Variants in HRH2 observed in about 807,000 individuals in gnomAD.
HRH2 encodes the protein histamine H2 receptor.
In HRH2, 4 loss-of-function variants were observed where a neutral mutation model predicts 20.1. That is an observed-to-expected ratio of 0.20 (90% confidence interval 0.10 to 0.45). The LOEUF (loss-of-function observed/expected upper bound fraction) is 0.45. Among genes scored for constraint, HRH2 ranks in the 20% least tolerant of loss-of-function variants. The pLI is 0.99. For synonymous variants in HRH2, 197 were observed against 200.7 expected (o/e 0.98, Z 0.16); for missense variants, 250 against 461.6 (o/e 0.54, Z 4.20).
At chr5:175,666,227 G>A (rs563819742) in intron 1 of HRH2, among the ~76,000 whole-genome samples, 60 of 152,240 alleles carry the variant, frequency 3.9e-4, no homozygotes, top group African/African-American at 1.4e-3. Context: ...GGAGTTTCTT[G>A]CCCTGCAGTC....
rs746613077 is a variant in HRH2 at position 175,681,907 on chromosome 5, T to C, written c.-525-802T>C. On this transcript the variant is annotated intron_variant, in intron 1 of 2. Transcript: ENST00000636584. The surrounding 1 kb of genome is among the most constrained non-coding windows in gnomAD (Gnocchi z 4.3). ...GCGTTCGGAGCAGGGGTGGCGTGGA[T>C]GACAGGTGACGAACTGCCGATTAAA... is the stretch of plus-strand genomic sequence containing the variant. Among the ~76,000 whole-genome samples, 1 of 152,224 alleles carries C rather than the reference T, an allele frequency of 6.6e-6. No individual in the cohort carries two copies. The highest frequency in any genetic ancestry group is 1.5e-5 in the Non-Finnish European group (1 of 68,044).
intron 1 of HRH2, among the ~76,000 whole-genome samples, chr5:175,673,245 G>A (rs139521234): frequency 1.4e-4 from 21 of 152,258 alleles, no homozygotes; most frequent in Non-Finnish European, 2.5e-4. Flanking sequence ...GTGTGTGTGC[G>A]TGTGTGTATG....
At chr5:175,678,217 T>C (rs550090048) in intron 1 of HRH2, among the ~76,000 whole-genome samples, 1 of 152,318 alleles carries the variant, frequency 6.6e-6, no homozygotes, top group South Asian at 2.1e-4. Context: ...CTGTGCCCAC[T>C]GCTGTAGCCC....
chr5:175,683,470 G>C lies in HRH2; in HGVS notation c.237G>C (p.Gln79His). 1 of 1,614,140 alleles carries C rather than the reference G, an allele frequency of 6.2e-7. No homozygotes were observed. The highest frequency in any genetic ancestry group is 8.5e-7 in the Non-Finnish European group (1 of 1,180,020). The change falls in exon 2 of 3, where the codon CAG (glutamine) becomes CAC (histidine). Residue 79 changes from glutamine (Q) to histidine (H), a missense_variant. Physicochemically the swap from Gln to His is conservative, Grantham distance 24. Around this residue, in one of 5 missense-constraint regions of HRH2, gnomAD observed 86 missense variants for 176.4 expected, o/e 0.49. Transcript: ENST00000636584. ...TGCTGCCCTTCTCTGCCATCTACCA[G>C]CTGTCCTGCAAGTGGAGCTTTGGCA... ...LLVLPFSAIY[Q>H]LSCKWSFGKV...
chr5:175,689,079 A>G lies in HRH2; in HGVS notation c.1076+4770A>G, dbSNP rs190670217. On this transcript the variant is annotated intron_variant, in intron 2 of 2. Coordinates refer to ENST00000636584, the MANE Select transcript of HRH2 (RefSeq NM_001367711.1). ...CCTTCCAGCTCTTCTTCTGTCCCTCAATCAGCCCAGCATCCCAACTGGCCC... is the reference window on the plus strand; with the variant it reads ...CCTTCCAGCTCTTCTTCTGTCCCTCGATCAGCCCAGCATCCCAACTGGCCC... 1.9e-3 allele frequency among the ~76,000 whole-genome samples: 286 copies of G among 152,162 alleles called. 1 individual carries two copies. Among genetic ancestry groups the G allele is most frequent in the African/African-American group, 6.5e-3 (268 of 41,496 alleles).
At chr5:175,668,645 T>C (rs1755403007) in intron 1 of HRH2, among the ~76,000 whole-genome samples, 1 of 152,058 alleles carries the variant, frequency 6.6e-6, no homozygotes, top group Admixed American at 6.5e-5. Context: ...TCCTGGAGAC[T>C]GAGATGAGAG....
At chr5:175,680,725 G>A (rs780146433) in intron 1 of HRH2, among the ~76,000 whole-genome samples, 2 of 152,152 alleles carry the variant, frequency 1.3e-5, no homozygotes, top group East Asian at 1.9e-4. Context: ...GAGAGAGAGC[G>A]CCGTACAAAA....
At position 175,677,317 on chromosome 5, in the gene HRH2, T is replaced by G. The variant is rs1755793855; in HGVS notation, c.-525-5392T>G. 6.6e-6 allele frequency among the ~76,000 whole-genome samples: 1 copy of G among 152,262 alleles called. No individual in the cohort carries two copies. Among genetic ancestry groups the G allele is most frequent in the Admixed American group, 6.5e-5 (1 of 15,288 alleles). ...TTTTCTTTATGCAGTCATTCACTGA[T>G]GGACATGTAGGTTGATTCCATATCT... On this transcript the variant is annotated intron_variant, in intron 1 of 2. Transcript: ENST00000636584. This position sits in a 1 kb window ranked among gnomAD's most constrained non-coding sequence, Gnocchi z 4.2.
chr5:175,663,636 G>A (rs1468812629), intron 1 of HRH2, among the ~76,000 whole-genome samples: 4 of 152,174 alleles, frequency 2.6e-5, no homozygotes, highest in South Asian at 2.1e-4. Context: ...GGGCCAGCTC[G>A]TTCCCCACCG....
chr5:175,669,306 A>C (rs185104873), intron 1 of HRH2, among the ~76,000 whole-genome samples: 1 of 151,976 alleles, frequency 6.6e-6, no homozygotes, highest in Non-Finnish European at 1.5e-5. Flanking sequence ...GTTCATGTGA[A>C]TATTTTAAAG....
At chr5:175,698,425 G>C (rs915492349) in intron 2 of HRH2, among the ~76,000 whole-genome samples, 1 of 152,120 alleles carries the variant, frequency 6.6e-6, no homozygotes, top group African/African-American at 2.4e-5. Flanking sequence ...TCTTACCTGC[G>C]TGGAGCCTCA....
rs1365301150 is a variant in HRH2 at position 175,683,302 on chromosome 5, G to A, written c.69G>A (p.Val23=). The change falls in exon 2 of 3, where the codon GTG becomes GTA. Residue 23 remains valine, a synonymous_variant. Coordinates refer to ENST00000636584, the MANE Select transcript of HRH2 (RefSeq NM_001367711.1). ...CCGCATGCAAGATCACCATCACCGTGGTCCTTGCGGTCCTCATCCTCATCA... is the reference window on the plus strand; with the variant it reads ...CCGCATGCAAGATCACCATCACCGTAGTCCTTGCGGTCCTCATCCTCATCA... ...DSTACKITIT[V]VLAVLILITV... The A allele has an allele frequency of 1.2e-6, 2 of 1,614,122 alleles. No individual in the cohort carries two copies. The highest frequency in any genetic ancestry group is 1.7e-6 in the Non-Finnish European group (2 of 1,180,016).
chr5:175,707,322 C>T (rs1296930559), intron 2 of HRH2, among the ~76,000 whole-genome samples: 2 of 152,092 alleles, frequency 1.3e-5, no homozygotes, highest in African/African-American at 2.4e-5. Flanking sequence ...GTCAGCTACT[C>T]GGGAGGCTGA....
chr5:175,679,581 G>A (rs150477341), intron 1 of HRH2, among the ~76,000 whole-genome samples: 2 of 152,338 alleles, frequency 1.3e-5, no homozygotes, highest in East Asian at 1.9e-4. Context: ...AGCAGGTGCT[G>A]TACAATCTAA....
In HRH2 at chr5:175,663,074, G is replaced by C. The variant is rs529649212; in HGVS notation, c.-526+4919G>C. Among the ~76,000 whole-genome samples, 10 of 152,236 alleles carry C rather than the reference G, an allele frequency of 6.6e-5. No homozygotes were observed. In the South Asian group the frequency reaches 2.1e-3, roughly 32 times the overall value. On this transcript the variant is annotated intron_variant, in intron 1 of 2. Transcript: ENST00000636584. ...ATTTTCTTCATTCATCAGTTGATGG[G>C]CATTTGGGTTGTTTCTGCTTTGGGG...
intron 1 of HRH2, among the ~76,000 whole-genome samples, chr5:175,660,137 C>T (rs1347811587): frequency 6.6e-6 from 1 of 152,154 alleles, no homozygotes; most frequent in East Asian, 1.9e-4. Context: ...CTGCCAACAC[C>T]CCAAAGTAAG....
In HRH2 at chr5:175,663,505, G is replaced by A. The variant is rs760850858; in HGVS notation, c.-526+5350G>A. Among the ~76,000 whole-genome samples the A allele has an allele frequency of 8.2e-4, 125 of 152,266 alleles. 2 individuals carry two copies. The highest frequency in any genetic ancestry group is 2.8e-4 in the Non-Finnish European group (19 of 68,026). On this transcript the variant is annotated intron_variant, in intron 1 of 2. Coordinates refer to ENST00000636584, the MANE Select transcript of HRH2 (RefSeq NM_001367711.1). ...AGAGTCACCTTTTAAACTTCAATGC[G>A]TCACTCCCTTACTTGGACTGAAATG...
rs573230703 is a variant in HRH2, at chr5:175,674,512, A to G, written c.-525-8197A>G. On this transcript the variant is annotated intron_variant, in intron 1 of 2. Coordinates refer to ENST00000636584, the MANE Select transcript of HRH2 (RefSeq NM_001367711.1). ...ATAAAGTGTCCACTCTGACCCCACCATCTAGCGCTGAGCTGGAGGACACAC... is the reference window on the plus strand; with the variant it reads ...ATAAAGTGTCCACTCTGACCCCACCGTCTAGCGCTGAGCTGGAGGACACAC... Among the ~76,000 whole-genome samples, 8 of 150,812 alleles carry G rather than the reference A, an allele frequency of 5.3e-5. No homozygotes were observed. In the East Asian group the frequency reaches 1.4e-3, roughly 26 times the overall value.
At chr5:175,705,162 A>AGT in intron 2 of HRH2, among the ~76,000 whole-genome samples, 1 of 152,334 alleles carries the variant, frequency 6.6e-6, no homozygotes, top group East Asian at 1.9e-4. Flanking sequence ...TAATCCAAAC[A>AGT]GTGTTCTCAT....
Sources: gnomAD v4.1 joint callset for allele counts (sites outside exome capture counted in the v4.1 genomes callset) on GRCh38, gnomAD v4.1.1 for gene constraint, gnomAD v4.1.1 regional missense constraint, Gnocchi (gnomAD v3.1) non-coding constraint, MANE v1.5 for transcripts, NCBI Gene and HGNC (gene_info 2026-07-23, HGNC 2026-07-21) for gene names.